Variants in DCDC1 observed in about 807,000 individuals in gnomAD.
DCDC1 encodes doublecortin domain-containing protein 1.
Under a neutral mutation model 178.3 loss-of-function variants are expected in DCDC1, and 200 were observed. That is an observed-to-expected ratio of 1.12 (90% CI 1.00 to 1.26). DCDC1 has a LOEUF of 1.26. Ranked by LOEUF, DCDC1 falls within the 50% of genes most tolerant of loss-of-function variation. The pLI, the probability that DCDC1 is intolerant of heterozygous loss-of-function variation, is 0.00. For synonymous variants in DCDC1, 690 were observed against 604.8 expected, an observed-to-expected ratio of 1.14 and a Z score of -2.07; for missense variants, 1,983 against 1,749.2, an observed-to-expected ratio of 1.13 and a Z score of -2.38.
intron 8 of DCDC1, among the ~76,000 whole-genome samples, chr11:31,264,866 G>C (rs1945036931): frequency 6.6e-6 from 1 of 152,156 alleles, no homozygotes; most frequent in African/African-American, 2.4e-5. Context: ...TTTATTCAGT[G>C]AGTTAAAACC....
intron 9 of DCDC1, among the ~76,000 whole-genome samples, chr11:31,140,453 T>G (rs981152577): frequency 5.9e-5 from 9 of 152,146 alleles, no homozygotes; most frequent in Non-Finnish European, 1.3e-4. Context: ...CACATGAAAA[T>G]CTAACAAGCT....
At chr11:31,174,059 A>G (rs577996332) in intron 9 of DCDC1, among the ~76,000 whole-genome samples, 10 of 152,184 alleles carry the variant, frequency 6.6e-5, no homozygotes, top group Non-Finnish European at 7.4e-5. Context: ...CACTTCCCCA[A>G]CGCGGGTGCA....
intron 25 of DCDC1, among the ~76,000 whole-genome samples, chr11:30,918,620 G>T (rs1303570880): frequency 1.3e-5 from 2 of 152,138 alleles, no homozygotes; most frequent in Non-Finnish European, 2.9e-5. Context: ...AGCCATGTAA[G>T]GATCTAGAGG....
chr11:31,063,450 C>T (rs927389505), intron 20 of DCDC1, among the ~76,000 whole-genome samples: 7 of 152,104 alleles, frequency 4.6e-5, no homozygotes, highest in Non-Finnish European at 1.0e-4. Flanking sequence ...TGGAATCAAC[C>T]CAAATGTCCA....
chr11:30,887,616 C>T (rs913608538), intron 36 of DCDC1, among the ~76,000 whole-genome samples: 3 of 152,156 alleles, frequency 2.0e-5, no homozygotes, highest in Non-Finnish European at 4.4e-5. Context: ...ACTTTCCATA[C>T]CCTGTGGTTG....
chr11:31,155,304 G>C (rs1965605172), intron 9 of DCDC1, among the ~76,000 whole-genome samples: 1 of 152,198 alleles, frequency 6.6e-6, no homozygotes, highest in African/African-American at 2.4e-5. Context: ...CAGTAGAGGA[G>C]AGATAATTTC....
At chr11:31,034,755 ATGG>A (rs1391992179) in intron 20 of DCDC1, among the ~76,000 whole-genome samples, 1 of 152,254 alleles carries the variant, frequency 6.6e-6, no homozygotes, top group African/African-American at 2.4e-5. Flanking sequence ...CACAGAATAT[ATGG>A]GGTCATTTAG....
At chr11:31,135,080 T>A (rs1962960408) in intron 10 of DCDC1, among the ~76,000 whole-genome samples, 1 of 152,214 alleles carries the variant, frequency 6.6e-6, no homozygotes, top group African/African-American at 2.4e-5. Context: ...CATACGTTAC[T>A]GTTACTCCCA....
chr11:31,170,121 C>T (rs116455503), intron 9 of DCDC1, among the ~76,000 whole-genome samples: 1 of 152,096 alleles, frequency 6.6e-6, no homozygotes, highest in Admixed American at 6.5e-5. Flanking sequence ...GTAGAATGCA[C>T]TAAGTTTGGC....
chr11:31,150,103 A>T (rs1203341480), intron 9 of DCDC1, among the ~76,000 whole-genome samples: 3 of 152,280 alleles, frequency 2.0e-5, no homozygotes, highest in African/African-American at 7.2e-5. Context: ...TCGTTTGTTG[A>T]TTTTTTAATT....
chr11:31,180,434 C>T (rs995393857), intron 9 of DCDC1, among the ~76,000 whole-genome samples: 7 of 152,146 alleles, frequency 4.6e-5, no homozygotes, highest in Admixed American at 2.0e-4. Context: ...GGAACAGCTC[C>T]GGTCTGCAGC....
chr11:31,277,057 C>T (rs567301615), intron 7 of DCDC1, among the ~76,000 whole-genome samples: 21 of 152,054 alleles, frequency 1.4e-4, no homozygotes, highest in African/African-American at 3.1e-4. Context: ...AATGTATATC[C>T]GTATGTAACT....
chr11:30,868,334 TCCGCCTC>T (rs1444717296), intron 38 of DCDC1, among the ~76,000 whole-genome samples: 2 of 135,708 alleles, frequency 1.5e-5, no homozygotes, highest in African/African-American at 5.6e-5. Flanking sequence ...CACTGCAGCC[TCCGCCTC>T]CCGGGTTCCA....
chr11:31,279,432 C>T (rs1946255042), intron 7 of DCDC1, among the ~76,000 whole-genome samples: 1 of 152,010 alleles, frequency 6.6e-6, no homozygotes, highest in Non-Finnish European at 1.5e-5. Flanking sequence ...GTTTATAAGA[C>T]ACATGCACAC....
intron 20 of DCDC1, among the ~76,000 whole-genome samples, chr11:31,024,007 T>G (rs1020448179): frequency 6.6e-6 from 1 of 152,030 alleles, no homozygotes; most frequent in Non-Finnish European, 1.5e-5. Flanking sequence ...ATAAAGATGA[T>G]CATGCCTTTT....
At position 31,328,184 on chromosome 11, in the gene DCDC1, G is replaced by C; in HGVS notation, c.97C>G (p.Pro33Ala). The C allele has an allele frequency of 4.3e-6, 7 of 1,611,820 alleles. No homozygotes were observed. Among genetic ancestry groups the C allele is most frequent in the Non-Finnish European group, 5.9e-6 (7 of 1,178,590 alleles). The change falls in exon 3 of 39, where the codon CCT (proline) becomes GCT (alanine). Residue 33 changes from proline to alanine, a missense_variant. Physicochemically the swap from Pro to Ala is conservative, Grantham distance 27 (BLOSUM62 -1). Transcript: ENST00000684477. ...GTATTCCCATCCAAAGTGCCTTCAG[G>C]GCTACTTTGCTGTAATACTTCCATT... is the stretch of plus-strand genomic sequence containing the variant. ...EAMEVLQQSS[P>A]EGTLDGNTVN...
chr11:30,948,302 G>A (rs966242325), intron 21 of DCDC1, among the ~76,000 whole-genome samples: 1 of 152,158 alleles, frequency 6.6e-6, no homozygotes, highest in African/African-American at 2.4e-5. Context: ...TACAAGGGAT[G>A]TGAAGGACCT....
intron 6 of DCDC1, among the ~76,000 whole-genome samples, chr11:31,291,833 T>A (rs1193432070): frequency 6.6e-6 from 1 of 152,156 alleles, no homozygotes; most frequent in Non-Finnish European, 1.5e-5. Context: ...GATTTTCAAA[T>A]GATCTTTCTC....
At chr11:31,015,760 G>A (rs1035707858) in intron 20 of DCDC1, among the ~76,000 whole-genome samples, 5 of 152,210 alleles carry the variant, frequency 3.3e-5, no homozygotes, top group African/African-American at 9.6e-5. Flanking sequence ...AGTTTTAATC[G>A]ATGCTGCAAA....
Sources: gnomAD v4.1 joint callset for allele counts (sites outside exome capture counted in the v4.1 genomes callset) on GRCh38, gnomAD v4.1.1 for gene constraint, MANE v1.5 for transcripts, NCBI Gene and HGNC (gene_info 2026-07-23, HGNC 2026-07-21) for gene names.